The following DIP2C variants were observed in gnomAD, a reference collection of about 807,000 sequenced individuals.
DIP2C encodes the protein disco-interacting protein 2 homolog C.
DIP2C carries 33 observed loss-of-function variants against 192.4 expected under a neutral mutation model. That is an observed-to-expected ratio of 0.17 (90% CI 0.13 to 0.23). DIP2C has a LOEUF of 0.23. Ranked by LOEUF, DIP2C falls within the 10% of genes least tolerant of loss-of-function variation. The pLI, the probability that DIP2C is intolerant of heterozygous loss-of-function variation, is 1.00. For missense variants in DIP2C, 1,537 were observed against 2,110.1 expected, an observed-to-expected ratio of 0.73 and a Z score of 5.32; for synonymous variants, 979 against 864.1, an observed-to-expected ratio of 1.13 and a Z score of -2.33.
At position 310,549 on chromosome 10, in the gene DIP2C, G is replaced by A. The variant is rs142587054; in HGVS notation, c.3925-457C>T. Among the ~76,000 whole-genome samples, 242 of 152,340 alleles carry A rather than the reference G, an allele frequency of 1.6e-3. 1 individual carries two copies. The highest frequency in any genetic ancestry group is 5.7e-3 in the African/African-American group (237 of 41,586). On this transcript the variant is annotated intron_variant, in intron 31 of 36. Transcript: ENST00000280886. Reference sequence around the variant, plus strand: ...GGATGGACAGGCCAGGGAGGAAGAGGTGAGGGGAGCATCTTGCTCCTCCGG... The same window carrying A: ...GGATGGACAGGCCAGGGAGGAAGAGATGAGGGGAGCATCTTGCTCCTCCGG...
chr10:547,875 T>C (rs1269691141), intron 1 of DIP2C, among the ~76,000 whole-genome samples: 2 of 152,146 alleles, frequency 1.3e-5, no homozygotes, highest in South Asian at 2.1e-4. Context: ...CCACCATCCC[T>C]GGGGAGCCCA....
chr10:315,389 T>C (rs1047955279), intron 31 of DIP2C, among the ~76,000 whole-genome samples: 3 of 152,262 alleles, frequency 2.0e-5, no homozygotes, highest in African/African-American at 7.2e-5. Context: ...GAGACATTCT[T>C]ACTATTTCTT....
At chr10:333,528 G>A (rs1012471273) in intron 29 of DIP2C, among the ~76,000 whole-genome samples, 16 of 152,218 alleles carry the variant, frequency 1.1e-4, no homozygotes, top group Non-Finnish European at 1.5e-4. Flanking sequence ...CGTGGCAGGC[G>A]TCACCTGTTC....
intron 34 of DIP2C, 82 bp downstream of exon 34, chr10:286,191 G>A: frequency 5.4e-6 from 7 of 1,295,486 alleles, no homozygotes; most frequent in South Asian, 1.2e-5. Flanking sequence ...TGGAGGGCAT[G>A]TGAGCAGTTC....
chr10:509,082 G>T (rs534778980), intron 1 of DIP2C, among the ~76,000 whole-genome samples: 1 of 152,134 alleles, frequency 6.6e-6, no homozygotes, highest in African/African-American at 2.4e-5. Context: ...GTGGACAGAC[G>T]AGCAGGCCCA....
chr10:451,701 G>T (rs1462288068), intron 3 of DIP2C, among the ~76,000 whole-genome samples: 1 of 152,144 alleles, frequency 6.6e-6, no homozygotes, highest in Non-Finnish European at 1.5e-5. Flanking sequence ...CATTTGCGAA[G>T]TTTTCTGCCT....
chr10:552,772 C>T (rs923244020), intron 1 of DIP2C, among the ~76,000 whole-genome samples: 1 of 152,184 alleles, frequency 6.6e-6, no homozygotes, highest in Non-Finnish European at 1.5e-5. Context: ...CAGTGTGAAC[C>T]GGGGAGGCGG....
At chr10:388,087 C>T (rs572260886) in intron 13 of DIP2C, among the ~76,000 whole-genome samples, 4 of 150,994 alleles carry the variant, frequency 2.6e-5, no homozygotes, top group South Asian at 4.2e-4. Context: ...TATATATTTC[C>T]CCCTCTCTGC....
chr10:565,354 T>TTAAAAAA (rs1554737793), intron 1 of DIP2C, among the ~76,000 whole-genome samples: 3 of 114,136 alleles, frequency 2.6e-5, no homozygotes, highest in African/African-American at 1.1e-4. Context: ...ACCTGCATTC[T>TTAAAAAA]AAAAAAAAAA....
chr10:524,953 GACAATC>G (rs928101229), intron 1 of DIP2C, among the ~76,000 whole-genome samples: 1 of 79,532 alleles, frequency 1.3e-5, no homozygotes, highest in East Asian at 4.7e-4. Context: ...CACAGTTTAA[GACAATC>G]ACAATTTCAA....
intron 1 of DIP2C, among the ~76,000 whole-genome samples, chr10:522,426 G>A (rs1438140228): frequency 2.6e-5 from 4 of 152,256 alleles, no homozygotes; most frequent in Non-Finnish European, 4.4e-5. Flanking sequence ...CAGCTCCTGA[G>A]TAAATGTCCA....
chr10:422,018 G>A (rs11252337), intron 5 of DIP2C, among the ~76,000 whole-genome samples: 9,702 of 148,828 alleles, frequency 0.065, 419 homozygotes, highest in African/African-American at 0.11. Context: ...TCACAATGAC[G>A]TGCACCTGCT....
chr10:313,348 TATATGAACGAGAAAA>T (rs1325248169), intron 31 of DIP2C, among the ~76,000 whole-genome samples: 1 of 152,192 alleles, frequency 6.6e-6, no homozygotes, highest in Non-Finnish European at 1.5e-5. Flanking sequence ...AATTCCAAGT[TATATGAACGAGAAAA>T]AAGGATTCAC....
chr10:312,756 G>T (rs1386332831), intron 31 of DIP2C, among the ~76,000 whole-genome samples: 1 of 152,106 alleles, frequency 6.6e-6, no homozygotes, highest in African/African-American at 2.4e-5. Context: ...GCCAATAAAG[G>T]TGTGTATGCT....
intron 1 of DIP2C, among the ~76,000 whole-genome samples, chr10:637,366 A>G (rs1419048630): frequency 3.3e-5 from 5 of 152,064 alleles, no homozygotes; most frequent in Non-Finnish European, 5.9e-5. Flanking sequence ...CTGCTGTAAC[A>G]ACACACCATA....
At chr10:551,654 C>G (rs555031293) in intron 1 of DIP2C, among the ~76,000 whole-genome samples, 33 of 152,312 alleles carry the variant, frequency 2.2e-4, no homozygotes, top group African/African-American at 7.9e-4. Context: ...CAGTCAAGCT[C>G]CCACTAGCTG....
At chr10:542,002 G>C (rs1321506228) in intron 1 of DIP2C, among the ~76,000 whole-genome samples, 4 of 152,228 alleles carry the variant, frequency 2.6e-5, no homozygotes, top group Non-Finnish European at 5.9e-5. Context: ...GGGACTCCCA[G>C]TGCACACGTT....
chr10:413,835 C>G (rs920348490), intron 8 of DIP2C, 78 bp downstream of exon 8: 6 of 1,531,052 alleles, frequency 3.9e-6, no homozygotes, highest in Admixed American at 3.6e-5. Flanking sequence ...AGGATGTAAA[C>G]GGACACTGAG....
In DIP2C at chr10:423,041, A is replaced by C. The variant is rs768621672; in HGVS notation, c.395-8T>G. 1.9e-6 allele frequency: 3 copies of C among 1,589,284 alleles called. No individual in the cohort carries two copies. The South Asian group carries it at 3.4e-5, about 18-fold the overall frequency. On this transcript the variant is annotated splice_region_variant and splice_polypyrimidine_tract_variant and intron_variant, in intron 4 of 36. Transcript: ENST00000280886. Reference sequence around the variant, plus strand: ...CTGAGCCAGAAGAGGTATCTGTGTAAGAAGAAAGGTGATTTGCTGTATGTT... The same window carrying C: ...CTGAGCCAGAAGAGGTATCTGTGTACGAAGAAAGGTGATTTGCTGTATGTT...
Sources: gnomAD v4.1 joint callset for allele counts (sites outside exome capture counted in the v4.1 genomes callset) on GRCh38, gnomAD v4.1.1 for gene constraint, MANE v1.5 for transcripts, NCBI Gene and HGNC (gene_info 2026-07-23, HGNC 2026-07-21) for gene names.